TLK1: variants seen among roughly 807,000 people sequenced by gnomAD.
TLK1 encodes serine/threonine-protein kinase tousled-like 1.
A neutral mutation model predicts 105.3 loss-of-function variants in TLK1; 24 were observed. The observed-to-expected ratio is 0.23, with a 90% CI of 0.17 to 0.32. The LOEUF (loss-of-function observed/expected upper bound fraction) is 0.32. TLK1 is among the 10% of genes least tolerant of loss of function. TLK1 has a pLI of 1.00. For missense variants in TLK1, 558 were observed against 910.5 expected (o/e 0.61, Z 4.98); for synonymous variants, 321 against 310.4 (o/e 1.03, Z -0.36).
intron 2 of TLK1, among the ~76,000 whole-genome samples, chr2:171,093,772 A>G (rs1203138827): frequency 6.6e-6 from 1 of 152,176 alleles, no homozygotes; most frequent in Non-Finnish European, 1.5e-5. Flanking sequence ...GGTCAAATCT[A>G]TGGGGAAGAA....
chr2:171,087,167 A>C (rs1275342530), intron 2 of TLK1, among the ~76,000 whole-genome samples: 2 of 152,178 alleles, frequency 1.3e-5, no homozygotes, highest in Non-Finnish European at 2.9e-5. Context: ...AGAAAAAGTG[A>C]CCCATACTCA....
intron 12 of TLK1, among the ~76,000 whole-genome samples, chr2:171,025,018 G>A (rs1319288400): frequency 6.6e-6 from 1 of 152,118 alleles, no homozygotes; most frequent in Non-Finnish European, 1.5e-5. Flanking sequence ...AAACTAATAA[G>A]TCCATAAGTA....
At chr2:171,035,098 T>C (rs1352319593) in intron 11 of TLK1, among the ~76,000 whole-genome samples, 1 of 152,036 alleles carries the variant, frequency 6.6e-6, no homozygotes, top group African/African-American at 2.4e-5. Flanking sequence ...CCCAGCACTT[T>C]GGGAAGCCGA....
chr2:171,182,065 C>T (rs1342791434), intron 1 of TLK1, among the ~76,000 whole-genome samples: 2 of 152,136 alleles, frequency 1.3e-5, no homozygotes, highest in African/African-American at 2.4e-5. Flanking sequence ...GAGAAAAATC[C>T]CCATCAGACT....
intron 3 of TLK1, among the ~76,000 whole-genome samples, chr2:171,068,763 A>G (rs1334139915): frequency 1.3e-5 from 2 of 152,232 alleles, no homozygotes; most frequent in East Asian, 1.9e-4. Context: ...TCTAAAATTA[A>G]GAATGTTATT....
intron 3 of TLK1, among the ~76,000 whole-genome samples, chr2:171,082,253 C>T (rs928566281): frequency 6.6e-6 from 1 of 151,814 alleles, no homozygotes; most frequent in South Asian, 2.1e-4. Context: ...CAGATATTTT[C>T]TTGGTGGGAT....
intron 12 of TLK1, among the ~76,000 whole-genome samples, chr2:171,015,767 A>G (rs1685173741): frequency 6.6e-6 from 1 of 151,792 alleles, no homozygotes; most frequent in Non-Finnish European, 1.5e-5. Flanking sequence ...TTTGAATACT[A>G]CTTAAAAAAT....
chr2:171,003,628 C>T (rs190512664), intron 18 of TLK1, among the ~76,000 whole-genome samples: 3 of 152,282 alleles, frequency 2.0e-5, no homozygotes, highest in Non-Finnish European at 4.4e-5. Context: ...ATTAATTGCT[C>T]GGAGATTAGC....
chr2:171,084,173 T>C (rs1466779845), intron 2 of TLK1, among the ~76,000 whole-genome samples: 1 of 152,158 alleles, frequency 6.6e-6, no homozygotes, highest in East Asian at 1.9e-4. Flanking sequence ...AACAGATGTC[T>C]GATAACCGAG....
intron 1 of TLK1, among the ~76,000 whole-genome samples, chr2:171,145,596 A>AC (rs71013016): frequency 2.6e-5 from 4 of 151,648 alleles, no homozygotes; most frequent in South Asian, 2.1e-4. Flanking sequence ...TCTCAAAAAA[A>AC]AAAAAACAAA....
intron 3 of TLK1, among the ~76,000 whole-genome samples, chr2:171,065,442 A>G (rs1687942844): frequency 6.6e-6 from 1 of 152,250 alleles, no homozygotes; most frequent in African/African-American, 2.4e-5. Context: ...TATCCTTACA[A>G]AATATTCAAT....
intron 2 of TLK1, among the ~76,000 whole-genome samples, chr2:171,092,424 C>T (rs572576985): frequency 6.6e-6 from 1 of 152,318 alleles, no homozygotes; most frequent in Admixed American, 6.5e-5. Flanking sequence ...TTCTTATCAG[C>T]ACCACCACTA....
At chr2:171,160,966 A>AGCGGCGGCGGCG (rs546390551), upstream of TLK1, 12 of 155,432 alleles carry the variant, frequency 7.7e-5, no homozygotes, top group South Asian at 1.7e-4. This position sits in a 1 kb window ranked among gnomAD's most constrained non-coding sequence, Gnocchi z 4.4. Flanking sequence ...CGCCTCCGGT[A>AGCGGCGGCGGCG]GCGGCGGCGG....
chr2:171,002,527 G>A (rs142449961), intron 18 of TLK1, among the ~76,000 whole-genome samples: 4,851 of 152,162 alleles, frequency 0.032, 247 homozygotes, highest in African/African-American at 0.11. Flanking sequence ...ACCTGCCTCG[G>A]CCTCCCAAAG....
intron 2 of TLK1, 135 bp downstream of exon 2, chr2:171,117,604 G>T (rs1002706721): frequency 2.9e-6 from 2 of 681,808 alleles, no homozygotes; most frequent in Non-Finnish European, 5.0e-6. Context: ...ACGCATTTAT[G>T]AACACTGATC....
chr2:171,217,310 G>A (rs1264196973), intron 1 of TLK1, among the ~76,000 whole-genome samples: 1 of 152,216 alleles, frequency 6.6e-6, no homozygotes, highest in Non-Finnish European at 1.5e-5. Flanking sequence ...AGAGTAGACA[G>A]TAGATACCAT....
chr2:171,136,088 T>C (rs531383068), intron 1 of TLK1, among the ~76,000 whole-genome samples: 4 of 152,248 alleles, frequency 2.6e-5, no homozygotes, highest in East Asian at 3.9e-4. Context: ...AAAAGATGAA[T>C]GGATAAACAA....
At chr2:171,109,031 T>C (rs1458611086) in intron 2 of TLK1, among the ~76,000 whole-genome samples, 1 of 152,162 alleles carries the variant, frequency 6.6e-6, no homozygotes, top group Non-Finnish European at 1.5e-5. Flanking sequence ...GATACACATG[T>C]AAAAATACTG....
intron 2 of TLK1, among the ~76,000 whole-genome samples, chr2:171,107,515 A>C (rs570427612): frequency 6.6e-6 from 1 of 152,312 alleles, no homozygotes; most frequent in South Asian, 2.1e-4. Flanking sequence ...ATGTATTATA[A>C]CAACAAGCAT....
Sources: gnomAD v4.1 joint callset for allele counts (sites outside exome capture counted in the v4.1 genomes callset) on GRCh38, gnomAD v4.1.1 for gene constraint, Gnocchi (gnomAD v3.1) non-coding constraint, MANE v1.5 for transcripts, NCBI Gene and HGNC (gene_info 2026-07-23, HGNC 2026-07-21) for gene names.